SEMA3A: variants seen among roughly 807,000 people sequenced by gnomAD.
The protein encoded by SEMA3A is semaphorin-3A.
Under a neutral mutation model 97.9 loss-of-function variants are expected in SEMA3A, and 29 were observed. The ratio of observed to expected loss-of-function variants is 0.30; its 90% CI spans 0.22 to 0.40. The LOEUF (loss-of-function observed/expected upper bound fraction) is 0.40, where lower values mean the gene tolerates loss of function less well. Among genes scored for constraint, SEMA3A ranks in the 10% least tolerant of loss-of-function variants. SEMA3A has a pLI of 1.00. For missense variants in SEMA3A, 763 were observed against 951.3 expected (o/e 0.80, Z 2.60); for synonymous variants, 321 against 323.7 (o/e 0.99, Z 0.09).
chr7:84,068,374 G>A (rs1449043548), intron 4 of SEMA3A, among the ~76,000 whole-genome samples: 1 of 146,044 alleles, frequency 6.8e-6, no homozygotes, highest in Admixed American at 6.9e-5. Context: ...GTATACATAT[G>A]TAACTAACCT....
chr7:83,970,756 CAAAT>C (rs1340656477), intron 15 of SEMA3A, among the ~76,000 whole-genome samples: 2 of 152,062 alleles, frequency 1.3e-5, no homozygotes, highest in East Asian at 1.9e-4. Flanking sequence ...CACATAAAGA[CAAAT>C]AAAATTCCAG....
chr7:84,485,590 G>T (rs569859575), intron 1 of SEMA3A, among the ~76,000 whole-genome samples: 1 of 152,072 alleles, frequency 6.6e-6, no homozygotes, highest in African/African-American at 2.4e-5. Context: ...GCCCAGGCTA[G>T]TCATGAACTC....
At chr7:84,410,004 A>G (rs1804216742) in intron 1 of SEMA3A, among the ~76,000 whole-genome samples, 1 of 152,106 alleles carries the variant, frequency 6.6e-6, no homozygotes. Flanking sequence ...AAAATGATTC[A>G]TAAGGATCAC....
At chr7:84,108,343 C>CA (rs1257959059) in intron 4 of SEMA3A, among the ~76,000 whole-genome samples, 2 of 112,524 alleles carry the variant, frequency 1.8e-5, no homozygotes, top group Admixed American at 9.9e-5. Flanking sequence ...TGAGTTTCTA[C>CA]AGGGAAAAAA....
chr7:84,081,533 C>T (rs896003575), intron 4 of SEMA3A, among the ~76,000 whole-genome samples: 4 of 148,264 alleles, frequency 2.7e-5, no homozygotes, highest in South Asian at 2.1e-4. Context: ...GCGGAGCTTG[C>T]AGTGAGCCAA....
intron 2 of SEMA3A, among the ~76,000 whole-genome samples, chr7:84,328,474 T>C (rs1305503710): frequency 6.6e-6 from 1 of 151,918 alleles, no homozygotes; most frequent in Admixed American, 6.6e-5. Flanking sequence ...CAGTAACTTT[T>C]AGAATAAGAA....
intron 5 of SEMA3A, among the ~76,000 whole-genome samples, chr7:84,056,813 A>T (rs1793001968): frequency 6.6e-6 from 1 of 152,216 alleles, no homozygotes; most frequent in African/African-American, 2.4e-5. Flanking sequence ...TTGAAAATGT[A>T]AAATTTATAA....
chr7:84,057,215 G>C (rs1206821203), intron 5 of SEMA3A, among the ~76,000 whole-genome samples: 1 of 152,100 alleles, frequency 6.6e-6, no homozygotes, highest in Non-Finnish European at 1.5e-5. Flanking sequence ...CTTAGGGATG[G>C]AATATTTCTA....
intron 12 of SEMA3A, among the ~76,000 whole-genome samples, chr7:83,986,772 C>T (rs1041863073): frequency 1.3e-5 from 2 of 152,132 alleles, no homozygotes; most frequent in African/African-American, 2.4e-5. Flanking sequence ...TGATTCAAAT[C>T]TGGCCAGAAA....
chr7:84,135,189 TCAC>T (rs1485735815), intron 1 of SEMA3A, among the ~76,000 whole-genome samples: 1 of 151,464 alleles, frequency 6.6e-6, no homozygotes, highest in Non-Finnish European at 1.5e-5. Context: ...GGATCTCGGT[TCAC>T]CACAACCTCC....
chr7:84,336,188 A>G (rs893467699), intron 2 of SEMA3A, among the ~76,000 whole-genome samples: 1 of 152,172 alleles, frequency 6.6e-6, no homozygotes, highest in East Asian at 1.9e-4. Flanking sequence ...CAAACCTTCT[A>G]TGAGTGCAAT....
intron 3 of SEMA3A, among the ~76,000 whole-genome samples, chr7:84,267,491 T>C (rs1800036711): frequency 6.6e-6 from 1 of 152,154 alleles, no homozygotes; most frequent in African/African-American, 2.4e-5. Context: ...CAGCAAAGTA[T>C]AAATATGATT....
At chr7:84,000,475 C>CTAAACTAAAATAATAAAATTATA (rs1177495627) in intron 12 of SEMA3A, among the ~76,000 whole-genome samples, 1 of 152,040 alleles carries the variant, frequency 6.6e-6, no homozygotes, top group African/African-American at 2.4e-5. Flanking sequence ...TTCAGTTTAG[C>CTAAACTAAAATAATAAAATTATA]TAAACTAAAA....
At chr7:84,486,113 G>A (rs925123359) in intron 1 of SEMA3A, among the ~76,000 whole-genome samples, 2 of 152,192 alleles carry the variant, frequency 1.3e-5, no homozygotes, top group Non-Finnish European at 2.9e-5. Context: ...TTACAGGCCA[G>A]GCGTGGTGGC....
intron 3 of SEMA3A, among the ~76,000 whole-genome samples, chr7:84,232,105 G>A (rs1453098510): frequency 1.3e-5 from 2 of 151,286 alleles, no homozygotes; most frequent in Non-Finnish European, 3.0e-5. Flanking sequence ...ATGTATCAAT[G>A]TTTAAATAGT....
At chr7:83,988,783 A>G (rs574145181) in intron 12 of SEMA3A, among the ~76,000 whole-genome samples, 13 of 152,088 alleles carry the variant, frequency 8.5e-5, no homozygotes, top group African/African-American at 2.9e-4. Flanking sequence ...AACTTTTTCT[A>G]TGCAGAGATA....
intron 1 of SEMA3A, among the ~76,000 whole-genome samples, chr7:84,445,265 G>T (rs2116350127): frequency 6.6e-6 from 1 of 151,728 alleles, no homozygotes; most frequent in African/African-American, 2.4e-5. Flanking sequence ...GCTGAGGCGG[G>T]CGGATCACGA....
intron 12 of SEMA3A, among the ~76,000 whole-genome samples, chr7:83,990,671 G>C (rs1318475331): frequency 7.2e-6 from 1 of 137,992 alleles, no homozygotes; most frequent in Non-Finnish European, 1.6e-5. Context: ...CTGTTCCATT[G>C]ATCTATATCT....
chr7:84,459,223 A>G (rs1034015254), intron 1 of SEMA3A, among the ~76,000 whole-genome samples: 12 of 152,208 alleles, frequency 7.9e-5, no homozygotes, highest in Admixed American at 4.6e-4. Context: ...AATGAGTTGC[A>G]GTTAAAAACA....
Sources: gnomAD v4.1 joint callset for allele counts (sites outside exome capture counted in the v4.1 genomes callset) on GRCh38, gnomAD v4.1.1 for gene constraint, MANE v1.5 for transcripts, NCBI Gene and HGNC (gene_info 2026-07-23, HGNC 2026-07-21) for gene names.